KAZN: variants seen among roughly 807,000 people sequenced by gnomAD.
KAZN encodes the protein kazrin, periplakin interacting protein.
Under a neutral mutation model 87.4 loss-of-function variants are expected in KAZN, and 40 were observed. The ratio of observed to expected loss-of-function variants is 0.46; its 90% CI spans 0.36 to 0.60. The LOEUF (loss-of-function observed/expected upper bound fraction) is 0.60. Ranked by LOEUF, KAZN falls within the 20% of genes least tolerant of loss-of-function variation. KAZN has a pLI of 0.00. For synonymous variants in KAZN, 466 were observed against 458.3 expected (o/e 1.02, Z -0.22); for missense variants, 898 against 1,073.9 (o/e 0.84, Z 2.29).
intron 2 of KAZN, among the ~76,000 whole-genome samples, chr1:14,374,651 G>C (rs1660759337): frequency 6.6e-6 from 1 of 152,150 alleles, no homozygotes; most frequent in Admixed American, 6.5e-5. Flanking sequence ...GCCCTTCTGG[G>C]AACAGCCTCA....
In KAZN at chr1:14,512,262, G is replaced by A. The variant is rs896990652; in HGVS notation, c.250-86721G>A. 4.6e-5 allele frequency among the ~76,000 whole-genome samples: 7 copies of A among 152,236 alleles called. No individual in the cohort carries two copies. In the South Asian group the frequency reaches 1.5e-3, roughly 32 times the overall value. ...GACGATGTGAATTTATGTCTAATTG[G>A]TAGTTGAGGGCAAAGTTTCTCCACC... On this transcript the variant is annotated intron_variant, in intron 2 of 16. Coordinates refer to the KAZN transcript ENST00000636203.
At chr1:14,418,361 A>T (rs945775231) in intron 2 of KAZN, among the ~76,000 whole-genome samples, 2 of 152,148 alleles carry the variant, frequency 1.3e-5, no homozygotes, top group South Asian at 4.1e-4. Context: ...AGTAAAGGAG[A>T]TAATATGCAT....
intron 2 of KAZN, among the ~76,000 whole-genome samples, chr1:14,420,382 A>G (rs1008635672): frequency 6.6e-6 from 1 of 152,164 alleles, no homozygotes; most frequent in Non-Finnish European, 1.5e-5. Context: ...GCGTAAATAA[A>G]TTCTCCAAGT....
intron 1 of KAZN, among the ~76,000 whole-genome samples, chr1:14,027,909 G>T (rs1641150284): frequency 6.6e-6 from 1 of 152,212 alleles, no homozygotes. Flanking sequence ...TCATAGAGAA[G>T]AGTCATTGGG....
intron 1 of KAZN, among the ~76,000 whole-genome samples, chr1:14,717,695 A>G (rs1240014462): frequency 6.6e-6 from 1 of 152,196 alleles, no homozygotes; most frequent in Non-Finnish European, 1.5e-5. Flanking sequence ...TGGGGCTGAC[A>G]TGAAAGTGGA....
In KAZN at chr1:14,357,921, G is replaced by C. The variant is rs145636564; in HGVS notation, c.249+177329G>C. On this transcript the variant is annotated intron_variant, in intron 2 of 16. Coordinates refer to the KAZN transcript ENST00000636203. ...TGTCTCTGCCAGGTTTCAATATTGG[G>C]ATGAAGCTGGCCTCATTAAATTAGT... Among the ~76,000 whole-genome samples, 659 of 152,254 alleles carry C rather than the reference G, an allele frequency of 4.3e-3. 7 individuals are homozygous for C. The highest frequency in any genetic ancestry group is 0.015 in the African/African-American group (634 of 41,554).
intron 1 of KAZN, among the ~76,000 whole-genome samples, chr1:14,906,935 G>A (rs1656654161): frequency 6.6e-6 from 1 of 151,834 alleles, no homozygotes; most frequent in South Asian, 2.1e-4. Context: ...CTTTTGCACT[G>A]GAGCAGTGTT....
intron 1 of KAZN, among the ~76,000 whole-genome samples, chr1:14,942,794 T>C (rs1454620303): frequency 1.3e-5 from 2 of 152,286 alleles, no homozygotes; most frequent in Non-Finnish European, 2.9e-5. Flanking sequence ...TTATAATACC[T>C]GGCCAGAAGG....
rs183077313 is a variant in KAZN at position 15,115,527 on chromosome 1, T to C, written c.*892T>C. ...GTGACAGTGGTATGGAGTGTGGCAA[T>C]GAGTTTGGGGTCTGGGGCAGGGAAA... On this transcript the variant is annotated 3_prime_UTR_variant, in exon 15 of 15. Transcript: ENST00000376030. This position sits in a 1 kb window ranked among gnomAD's most constrained non-coding sequence, Gnocchi z 4.1. The C allele has an allele frequency of 1.8e-4, 27 of 152,322 alleles. No homozygotes were observed. The highest frequency in any genetic ancestry group is 6.5e-4 in the African/African-American group (27 of 41,544). The allele number at this position is 152,322 out of a possible 1,614,324, so 9.4% of individuals were successfully genotyped here.
rs527543431 is a variant in KAZN at position 15,089,300 on chromosome 1, C to T, written c.1223-4880C>T. 5.4e-4 allele frequency among the ~76,000 whole-genome samples: 82 copies of T among 152,200 alleles called. No individual in the cohort carries two copies. The East Asian group carries it at 8.5e-3, about 16-fold the overall frequency. On this transcript the variant is annotated intron_variant, in intron 8 of 14. Coordinates refer to ENST00000376030, the MANE Select transcript of KAZN (RefSeq NM_201628.3). ...GGGCTGCAGACACCCCCCACCCACC[C>T]ACCTGGGCACAGAACGGACAGATCC... is the stretch of plus-strand genomic sequence containing the variant.
At chr1:14,813,555 G>A (rs1280735021) in intron 1 of KAZN, among the ~76,000 whole-genome samples, 4 of 152,208 alleles carry the variant, frequency 2.6e-5, no homozygotes, top group Non-Finnish European at 4.4e-5. Context: ...ATGCCATGTG[G>A]AGCAGAGTCA....
At chr1:14,900,753 C>CAA (rs34012645) in intron 1 of KAZN, among the ~76,000 whole-genome samples, 16,145 of 131,762 alleles carry the variant, frequency 0.12, 1,137 homozygotes, top group Middle Eastern at 0.2. Context: ...GACTCCATCT[C>CAA]AAAAAAAAAA....
chr1:14,920,612 C>T (rs1246843919), intron 1 of KAZN, among the ~76,000 whole-genome samples: 1 of 152,060 alleles, frequency 6.6e-6, no homozygotes, highest in Non-Finnish European at 1.5e-5. Context: ...CTGGGAAGGT[C>T]TCCTGGAAGT....
chr1:14,361,139 G>A (rs1391796795), intron 2 of KAZN, among the ~76,000 whole-genome samples: 2 of 152,240 alleles, frequency 1.3e-5, no homozygotes, highest in African/African-American at 2.4e-5. Context: ...GCCCAGAGAG[G>A]AGGAATCTGG....
chr1:14,994,400 C>T (rs947933084), intron 2 of KAZN, among the ~76,000 whole-genome samples: 2 of 152,328 alleles, frequency 1.3e-5, no homozygotes, highest in South Asian at 4.1e-4. Context: ...ACTAAGGCCC[C>T]GTTGTAGGTG....
At chr1:14,375,127 C>G (rs1660793911) in intron 2 of KAZN, among the ~76,000 whole-genome samples, 1 of 152,116 alleles carries the variant, frequency 6.6e-6, no homozygotes, top group Non-Finnish European at 1.5e-5. Flanking sequence ...TATTGAAGGT[C>G]AGTTGTATTT....
intron 1 of KAZN, among the ~76,000 whole-genome samples, chr1:14,955,286 C>T (rs554740303): frequency 3.7e-4 from 56 of 152,346 alleles, no homozygotes; most frequent in African/African-American, 7.9e-4. Context: ...CACATGTAAG[C>T]GCTTTACGCA....
intron 1 of KAZN, among the ~76,000 whole-genome samples, chr1:14,911,904 C>T (rs979111534): frequency 1.3e-5 from 2 of 152,116 alleles, no homozygotes; most frequent in Admixed American, 6.5e-5. Flanking sequence ...TGTAATCCAG[C>T]ACTTTGGGAG....
In KAZN at chr1:14,873,124, GTGGA is replaced by G. The variant is rs537106361; in HGVS notation, c.227-87543_227-87540del. On this transcript the variant is annotated intron_variant, in intron 1 of 14. Transcript: ENST00000376030. ...GATGGACAGATAGATGAATGGATGG[GTGGA>G]TGGATGGATGGATGGAAGGATGGAT... Among the ~76,000 whole-genome samples, 671 of 144,980 alleles carry G rather than the reference GTGGA, an allele frequency of 4.6e-3. 10 individuals carry two copies. The highest frequency in any genetic ancestry group is 0.016 in the African/African-American group (605 of 38,576).
Sources: gnomAD v4.1 joint callset for allele counts (sites outside exome capture counted in the v4.1 genomes callset) on GRCh38, gnomAD v4.1.1 for gene constraint, Gnocchi (gnomAD v3.1) non-coding constraint, MANE v1.5 for transcripts, NCBI Gene and HGNC (gene_info 2026-07-23, HGNC 2026-07-21) for gene names.